Variants in ZNF100 observed in about 807,000 individuals in gnomAD.
ZNF100 encodes zinc finger protein 100, also known as zinc finger protein 100 (Y1).
In ZNF100, 12 loss-of-function variants were observed where a neutral mutation model predicts 15.8. That is an observed-to-expected ratio of 0.76 (90% CI 0.49 to 1.23). The LOEUF (loss-of-function observed/expected upper bound fraction) is 1.23, where lower values mean the gene tolerates loss of function less well. ZNF100 is among the 50% of genes most tolerant of loss of function. ZNF100 has a pLI of 0.00. For synonymous variants in ZNF100, 226 were observed against 214.8 expected, an observed-to-expected ratio of 1.05 and a Z score of -0.45; for missense variants, 670 against 635.6, an observed-to-expected ratio of 1.05 and a Z score of -0.58.
intron 2 of ZNF100, among the ~76,000 whole-genome samples, chr19:21,764,635 G>A (rs926650973): frequency 2.0e-5 from 3 of 149,872 alleles, no homozygotes; most frequent in Admixed American, 6.6e-5. Context: ...ACCAGACTCC[G>A]TGTGGGGAAA....
At chr19:21,743,740 C>A (rs2036160042) in intron 4 of ZNF100, among the ~76,000 whole-genome samples, 1 of 151,402 alleles carries the variant, frequency 6.6e-6, no homozygotes, top group Non-Finnish European at 1.5e-5. Flanking sequence ...CTTTTATATG[C>A]CTTGAAAAGG....
chr19:21,748,214 G>C (rs1325685589), intron 2 of ZNF100, among the ~76,000 whole-genome samples: 3 of 152,106 alleles, frequency 2.0e-5, no homozygotes, highest in African/African-American at 7.2e-5. Context: ...ATCTGCTTTT[G>C]GGTTGCAGGA....
intron 2 of ZNF100, among the ~76,000 whole-genome samples, chr19:21,760,760 T>G (rs1391182499): frequency 2.1e-5 from 3 of 146,084 alleles, no homozygotes; most frequent in Admixed American, 6.8e-5. Flanking sequence ...TCTTGTTTTT[T>G]TTTTTTTTTT....
At chr19:21,754,189 G>C (rs962037831) in intron 2 of ZNF100, among the ~76,000 whole-genome samples, 19 of 150,158 alleles carry the variant, frequency 1.3e-4, no homozygotes, top group African/African-American at 4.4e-4. Flanking sequence ...AAAGGGCAGA[G>C]AAATAAATGA....
At chr19:21,758,118 C>T (rs1239041643) in intron 2 of ZNF100, among the ~76,000 whole-genome samples, 1 of 151,510 alleles carries the variant, frequency 6.6e-6, no homozygotes, top group East Asian at 1.9e-4. Context: ...AAACAAACAC[C>T]ACCAAGATAA....
rs1364955493 is a variant in ZNF100 at position 21,723,259 on chromosome 19, C to T, written c.*3424G>A. The stretch of plus-strand genomic sequence containing the variant: ...CCTGTAATCCCAGCTACTTGGGAGG[C>T]TGAGGCAGGATAATTGCTTGAACCT... On this transcript the variant is annotated 3_prime_UTR_variant, in exon 5 of 5. Coordinates refer to ENST00000358296, the MANE Select transcript of ZNF100 (RefSeq NM_173531.4). 2 of 148,470 alleles carry T rather than the reference C, an allele frequency of 1.3e-5. No individual in the cohort carries two copies. The allele number at this position is 148,470 out of a possible 1,614,324, so 9.2% of individuals were successfully genotyped here.
At chr19:21,742,034 T>C (rs908243935) in intron 4 of ZNF100, among the ~76,000 whole-genome samples, 7 of 152,016 alleles carry the variant, frequency 4.6e-5, no homozygotes, top group African/African-American at 1.7e-4. Flanking sequence ...CGGTGGCCCA[T>C]GCTGTAATCC....
chr19:21,749,542 C>T lies in ZNF100; in HGVS notation c.97-4475G>A, dbSNP rs553668952. ...GAGCTCCAGAACCTGCATCACCTAT[C>T]CTGACTTGCTAGCTTTTGGGTAAGA... is the stretch of plus-strand genomic sequence containing the variant. On this transcript the variant is annotated intron_variant, in intron 2 of 4. Coordinates refer to ENST00000358296, the MANE Select transcript of ZNF100 (RefSeq NM_173531.4). Among the ~76,000 whole-genome samples the T allele has an allele frequency of 3.9e-5, 6 of 152,264 alleles. No individual in the cohort carries two copies. The East Asian group carries it at 1.2e-3, about 29-fold the overall frequency.
chr19:21,726,518 G>A lies in ZNF100; in HGVS notation c.*165C>T. ...TTTCAAAGCACTGTCACATCTTTCT[G>A]GTTTGTAGAATTTCTCTCTAGTATG... On this transcript the variant is annotated 3_prime_UTR_variant, in exon 5 of 5. Transcript: ENST00000358296. The A allele has an allele frequency of 1.5e-6, 1 of 645,246 alleles. No individual in the cohort carries two copies. The highest frequency in any genetic ancestry group is 2.5e-6 in the Non-Finnish European group (1 of 397,914). The allele number at this position is 645,246 out of a possible 1,614,324, so 40.0% of individuals were successfully genotyped here.
chr19:21,758,568 G>A (rs891002421), intron 2 of ZNF100, among the ~76,000 whole-genome samples: 2 of 152,190 alleles, frequency 1.3e-5, no homozygotes, highest in Non-Finnish European at 2.9e-5. Flanking sequence ...CCCTAGGCTG[G>A]TGGAGAAAAC....
intron 2 of ZNF100, among the ~76,000 whole-genome samples, chr19:21,764,268 T>C (rs1168280140): frequency 1.3e-5 from 2 of 152,164 alleles, no homozygotes; most frequent in African/African-American, 2.4e-5. Context: ...AAATTAAGTG[T>C]CTGAAAAATC....
intron 4 of ZNF100, among the ~76,000 whole-genome samples, chr19:21,728,858 G>A (rs2035863011): frequency 6.6e-6 from 1 of 151,812 alleles, no homozygotes; most frequent in African/African-American, 2.4e-5. Flanking sequence ...TACTCAGTGA[G>A]TGAAACAGGA....
At chr19:21,752,023 A>G (rs2036315582) in intron 2 of ZNF100, 1 of 307,174 alleles carries the variant, frequency 3.3e-6, no homozygotes, top group African/African-American at 2.2e-5. Flanking sequence ...GTTTTCATCA[A>G]AAGGAAAGAT....
chr19:21,736,385 G>T (rs2036009565), intron 4 of ZNF100, among the ~76,000 whole-genome samples: 1 of 152,136 alleles, frequency 6.6e-6, no homozygotes. Flanking sequence ...CATCCAGCCA[G>T]CACTCAGATT....
At chr19:21,755,105 G>A (rs1369240377) in intron 2 of ZNF100, among the ~76,000 whole-genome samples, 2 of 152,090 alleles carry the variant, frequency 1.3e-5, no homozygotes, top group Non-Finnish European at 2.9e-5. Flanking sequence ...CTGAGGTCGG[G>A]AGTTCAAGAC....
At chr19:21,742,450 C>T (rs566356927) in intron 4 of ZNF100, among the ~76,000 whole-genome samples, 11 of 143,554 alleles carry the variant, frequency 7.7e-5, no homozygotes, top group Admixed American at 5.7e-4. Flanking sequence ...GCTGAGATCG[C>T]GCTATTGCAC....
intron 2 of ZNF100, 119 bp downstream of exon 2, chr19:21,765,575 G>A (rs2036544437): frequency 1.2e-6 from 1 of 843,400 alleles, no homozygotes; most frequent in Admixed American, 2.1e-5. Flanking sequence ...GATCCAGGGA[G>A]CAGAAATTAT....
chr19:21,762,707 TAAC>T (rs1472942196), intron 2 of ZNF100, among the ~76,000 whole-genome samples: 1 of 152,002 alleles, frequency 6.6e-6, no homozygotes, highest in Admixed American at 6.6e-5. Context: ...TTTAAAAAAA[TAAC>T]AATAATAATA....
At position 21,724,788 on chromosome 19, in the gene ZNF100, A is replaced by C. The variant is rs1239763695; in HGVS notation, c.*1895T>G. 4.6e-5 allele frequency: 7 copies of C among 152,222 alleles called. No homozygotes were observed. The highest frequency in any genetic ancestry group is 8.8e-5 in the Non-Finnish European group (6 of 68,044). 9.4% of individuals were successfully genotyped at this position (152,222 alleles called of 1,614,324 possible). A position where few individuals can be genotyped will look rare whatever the true frequency, so the allele number is the denominator to read the frequency against. Reference sequence around the variant, plus strand: ...AACATTTGGCTGGGCACGGTGGCTCATGCCTGTAATCCCAGAACTTTGGGA... The same window carrying C: ...AACATTTGGCTGGGCACGGTGGCTCCTGCCTGTAATCCCAGAACTTTGGGA... On this transcript the variant is annotated 3_prime_UTR_variant, in exon 5 of 5. Transcript: ENST00000358296.
Sources: allele counts gnomAD v4.1 joint callset (sites outside exome capture counted in the v4.1 genomes callset), GRCh38; gene constraint gnomAD v4.1.1; transcripts MANE v1.5; gene names NCBI Gene and HGNC (gene_info 2026-07-23, HGNC 2026-07-21).